The following CSMD1 variants were observed in gnomAD, a reference collection of about 807,000 sequenced individuals.
CSMD1 encodes CUB and sushi domain-containing protein 1.
Under a neutral mutation model 417.5 loss-of-function variants are expected in CSMD1, and 213 were observed. That is an observed-to-expected ratio of 0.51 (90% CI 0.46 to 0.57). The LOEUF is 0.57. Among genes scored for constraint, CSMD1 ranks in the 20% least tolerant of loss-of-function variants. The probability of loss-of-function intolerance (pLI) is 0.00; values close to 1 mark genes in which losing one functional copy is unlikely to be tolerated. For missense variants in CSMD1, 6,923 were observed against 4,529.7 expected (o/e 1.53, Z -15.17); for synonymous variants, 2,862 against 1,736.8 (o/e 1.65, Z -16.11).
chr8:2,983,100 T>G (rs559283312), intron 54 of CSMD1, among the ~76,000 whole-genome samples: 1 of 152,338 alleles, frequency 6.6e-6, no homozygotes, highest in African/African-American at 2.4e-5. Flanking sequence ...GATAATGTAA[T>G]TCCAAGTTCC....
At chr8:3,432,174 C>G (rs1348746689) in intron 12 of CSMD1, among the ~76,000 whole-genome samples, 2 of 152,128 alleles carry the variant, frequency 1.3e-5, no homozygotes, top group African/African-American at 4.8e-5. Flanking sequence ...ACTTCTTAAT[C>G]TGGGCATTAT....
chr8:4,292,163 G>A lies in CSMD1; in HGVS notation c.415+127790C>T, dbSNP rs535461184. Among the ~76,000 whole-genome samples, 8 of 152,232 alleles carry A rather than the reference G, an allele frequency of 5.3e-5. No homozygotes were observed. The South Asian group carries it at 6.2e-4, about 12-fold the overall frequency. On this transcript the variant is annotated intron_variant, in intron 3 of 69. Transcript: ENST00000635120. Reference sequence around the variant, plus strand: ...ATATGAAAATGACCCAGGTGAGCCCGGTCATAGATTTCAGAAGGGATGGAC... The same window carrying A: ...ATATGAAAATGACCCAGGTGAGCCCAGTCATAGATTTCAGAAGGGATGGAC...
At chr8:3,671,798 G>C (rs1290863533) in intron 7 of CSMD1, among the ~76,000 whole-genome samples, 1 of 151,740 alleles carries the variant, frequency 6.6e-6, no homozygotes, top group Non-Finnish European at 1.5e-5. Flanking sequence ...GCAGCCCTGG[G>C]CTTGGAGCCT....
chr8:3,935,121 T>G (rs1262304618), intron 5 of CSMD1, among the ~76,000 whole-genome samples: 2 of 152,130 alleles, frequency 1.3e-5, no homozygotes, highest in Non-Finnish European at 2.9e-5. Context: ...TCACACATTT[T>G]CTCTGTATGT....
intron 1 of CSMD1, 24 bp downstream of exon 1, chr8:4,994,308 C>T: frequency 2.5e-6 from 4 of 1,603,630 alleles, no homozygotes; most frequent in Middle Eastern, 1.7e-4. Flanking sequence ...ACCGCCTCCC[C>T]GGCCAGGAGC....
chr8:4,602,397 G>A (rs887811672), intron 2 of CSMD1, among the ~76,000 whole-genome samples: 1 of 152,068 alleles, frequency 6.6e-6, no homozygotes, highest in Non-Finnish European at 1.5e-5. Flanking sequence ...TTAATTTGCT[G>A]GTCCAAGATA....
intron 1 of CSMD1, among the ~76,000 whole-genome samples, chr8:4,680,850 G>C (rs1396571345): frequency 6.6e-6 from 1 of 152,004 alleles, no homozygotes; most frequent in African/African-American, 2.4e-5. Context: ...AAAGTGTTGG[G>C]ATTATAAGTG....
At chr8:3,142,216 T>G (rs531944208) in intron 41 of CSMD1, among the ~76,000 whole-genome samples, 1 of 152,164 alleles carries the variant, frequency 6.6e-6, no homozygotes, top group South Asian at 2.1e-4. Context: ...CCATTGCAAT[T>G]CCCGTCTTGA....
chr8:3,770,022 C>T (rs1373676975), intron 5 of CSMD1, among the ~76,000 whole-genome samples: 2 of 152,150 alleles, frequency 1.3e-5, no homozygotes, highest in African/African-American at 4.8e-5. Context: ...TTAGATCCGG[C>T]CAATTTTCTA....
At chr8:4,433,150 G>C (rs370856895) in intron 2 of CSMD1, among the ~76,000 whole-genome samples, 1 of 152,242 alleles carries the variant, frequency 6.6e-6, no homozygotes, top group East Asian at 1.9e-4. Flanking sequence ...CAAGCTCAGA[G>C]CTCCCACTGA....
chr8:4,542,669 A>G (rs77740611), intron 2 of CSMD1, among the ~76,000 whole-genome samples: 2,380 of 152,312 alleles, frequency 0.016, 52 homozygotes, highest in East Asian at 0.089. Context: ...TCACCACTGT[A>G]TCTTATGCGG....
intron 2 of CSMD1, among the ~76,000 whole-genome samples, chr8:4,600,767 G>C (rs1050799895): frequency 1.9e-4 from 29 of 152,088 alleles, no homozygotes; most frequent in African/African-American, 6.8e-4. Flanking sequence ...TAAGGCGTGA[G>C]GATAAATTGT....
Position 2,973,225 on chromosome 8 carries a change from T to C in CSMD1, c.8815A>G (p.Lys2939Glu), listed in dbSNP as rs1305113783. 4 of 1,613,944 alleles carry C rather than the reference T, an allele frequency of 2.5e-6. No individual in the cohort carries two copies. Among genetic ancestry groups the C allele is most frequent in the Admixed American group, 1.7e-5 (1 of 60,022 alleles). The change falls in exon 57 of 70, where the codon AAG becomes GAG. Residue 2939 changes from lysine (K) to glutamate (E), a missense_variant. By Grantham distance (56) the Lys-to-Glu change is moderately conservative (BLOSUM62 1). Transcript: ENST00000635120. ...TCACAGGAGAAGCGGAGAAGACTCT[T>C]TGTCTTAAAGTCATCACCAAGCCGA... ...GSRLGDDFKT[K>E]SLLRFSCEMG... is the part of the protein sequence containing the mutation.
chr8:4,186,933 T>C (rs889567353), intron 3 of CSMD1, among the ~76,000 whole-genome samples: 10 of 152,038 alleles, frequency 6.6e-5, no homozygotes, highest in African/African-American at 2.4e-4. Context: ...GAGGCAGAGA[T>C]TGCAGTGAGC....
chr8:4,089,778 C>A (rs1800619946), intron 3 of CSMD1, among the ~76,000 whole-genome samples: 1 of 152,002 alleles, frequency 6.6e-6, no homozygotes, highest in Non-Finnish European at 1.5e-5. Flanking sequence ...TTGTTATGGG[C>A]AATAATGCCA....
intron 52 of CSMD1, among the ~76,000 whole-genome samples, chr8:3,017,559 G>A (rs1188376212): frequency 6.6e-6 from 1 of 152,006 alleles, no homozygotes; most frequent in Admixed American, 6.6e-5. Context: ...ATTCCTGTAA[G>A]TCCTGCAGTG....
intron 2 of CSMD1, among the ~76,000 whole-genome samples, chr8:4,582,029 C>T (rs1799443662): frequency 6.6e-6 from 1 of 151,886 alleles, no homozygotes; most frequent in East Asian, 1.9e-4. Flanking sequence ...GAAACAGCAT[C>T]GCAGAGAGAG....
intron 3 of CSMD1, among the ~76,000 whole-genome samples, chr8:4,044,457 A>G (rs1798045070): frequency 6.6e-6 from 1 of 152,098 alleles, no homozygotes. Flanking sequence ...GCTTAACTCG[A>G]TTTAACTGGA....
At chr8:3,740,926 A>T (rs552375917) in intron 6 of CSMD1, among the ~76,000 whole-genome samples, 1 of 152,138 alleles carries the variant, frequency 6.6e-6, no homozygotes, top group South Asian at 2.1e-4. Flanking sequence ...TCAGAAGAAG[A>T]TAGAGGGGGC....
Sources: allele counts gnomAD v4.1 joint callset (sites outside exome capture counted in the v4.1 genomes callset), GRCh38; gene constraint gnomAD v4.1.1; transcripts MANE v1.5; gene names NCBI Gene and HGNC (gene_info 2026-07-23, HGNC 2026-07-21).